The following ZNF846 variants were observed in gnomAD, a reference collection of about 807,000 sequenced individuals.
ZNF846 encodes zinc finger protein 846, also known as zinc finger protein 420 pseudogene.
ZNF846 carries 15 observed loss-of-function variants against 16.0 expected under a neutral mutation model. That is an observed-to-expected ratio of 0.94 (90% CI 0.63 to 1.45). The LOEUF (loss-of-function observed/expected upper bound fraction) is 1.45. Ranked by LOEUF, ZNF846 falls within the 40% of genes most tolerant of loss-of-function variation. The probability of loss-of-function intolerance (pLI) is 0.00; values close to 1 mark genes in which losing one functional copy is unlikely to be tolerated. For missense variants in ZNF846, 714 were observed against 622.3 expected, an observed-to-expected ratio of 1.15 and a Z score of -1.57; for synonymous variants, 229 against 212.0, an observed-to-expected ratio of 1.08 and a Z score of -0.70.
chr19:9,769,075 CTTTT>C, upstream of ZNF846, among the ~76,000 whole-genome samples: 1 of 152,262 alleles, frequency 6.6e-6, no homozygotes, highest in East Asian at 1.9e-4. Flanking sequence ...CTTTTCTTTT[CTTTT>C]TTAATTTCTC....
intron 1 of ZNF846, among the ~76,000 whole-genome samples, chr19:9,785,168 T>G (rs1177489049): frequency 6.6e-6 from 1 of 151,144 alleles, no homozygotes; most frequent in Non-Finnish European, 1.5e-5. Flanking sequence ...CTCTCACTAC[T>G]GAGACCCCAC....
At chr19:9,779,621 A>G (rs994361342) in intron 1 of ZNF846, among the ~76,000 whole-genome samples, 1 of 149,348 alleles carries the variant, frequency 6.7e-6, no homozygotes, top group Admixed American at 6.7e-5. Context: ...CCCAGGCTAG[A>G]GTGTAATGGC....
At chr19:9,761,130 C>T (rs978753858) in intron 4 of ZNF846, among the ~76,000 whole-genome samples, 32 of 148,058 alleles carry the variant, frequency 2.2e-4, no homozygotes, top group Non-Finnish European at 3.8e-4. Flanking sequence ...AGCCAGGAAG[C>T]TGATGGAGGT....
chr19:9,785,662 CCCGCCCCATCTCCCCCTCACCGAGACT>C (rs2045552493), intron 1 of ZNF846, among the ~76,000 whole-genome samples: 1 of 91,718 alleles, frequency 1.1e-5, no homozygotes, highest in African/African-American at 4.5e-5. Context: ...TCACCGAGAC[CCCGCCCCATCTCCCCCTCACCGAGACT>C]CCGCCCCCGT....
chr19:9,759,983 G>T, intron 4 of ZNF846, 41 bp from the exon 5 acceptor site: 1 of 1,538,678 alleles, frequency 6.5e-7, no homozygotes, highest in South Asian at 1.1e-5. Context: ...GAAAAATTGT[G>T]GAATAAAGTC....
At chr19:9,772,007 C>G (rs1457225212), upstream of ZNF846, among the ~76,000 whole-genome samples, 1 of 151,948 alleles carries the variant, frequency 6.6e-6, no homozygotes, top group Admixed American at 6.6e-5. Flanking sequence ...ACCTCGTGAT[C>G]CACCCACCTC....
chr19:9,767,074 G>C (rs1454633170), intron 1 of ZNF846, among the ~76,000 whole-genome samples: 1 of 151,448 alleles, frequency 6.6e-6, no homozygotes. Flanking sequence ...GGCTCCTCCT[G>C]CTTCTGCTTC....
chr19:9,758,681 G>T (rs746138025), exon 6 of ZNF846: 1 of 1,612,268 alleles, frequency 6.2e-7, no homozygotes, highest in Non-Finnish European at 8.5e-7. Flanking sequence ...GAGTTATCAT[G>T]TGAGTCATAA....
chr19:9,784,272 A>T (rs952662574), intron 1 of ZNF846, among the ~76,000 whole-genome samples: 6 of 152,094 alleles, frequency 3.9e-5, no homozygotes, highest in Non-Finnish European at 8.8e-5. Flanking sequence ...GGCAAGGGGG[A>T]TGTGGCAGGA....
At chr19:9,756,988 G>T (rs992448374), downstream of ZNF846, 2 of 151,938 alleles carry the variant, frequency 1.3e-5, no homozygotes, top group Non-Finnish European at 2.9e-5. Flanking sequence ...GAGATCGGGA[G>T]ATCGAGACCA....
chr19:9,782,671 G>A (rs1738624128), intron 1 of ZNF846, among the ~76,000 whole-genome samples: 1 of 152,204 alleles, frequency 6.6e-6, no homozygotes, highest in South Asian at 2.1e-4. Context: ...ACTAAATTTA[G>A]ATTGTTACAT....
chr19:9,750,032 A>G (rs538777350), downstream of ZNF846, among the ~76,000 whole-genome samples: 54 of 152,100 alleles, frequency 3.6e-4, no homozygotes, highest in Non-Finnish European at 6.5e-4. Flanking sequence ...GCCTACTGGA[A>G]TCCCTTTAGG....
chr19:9,779,102 A>G (rs1382978350), intron 1 of ZNF846, among the ~76,000 whole-genome samples: 2 of 152,144 alleles, frequency 1.3e-5, no homozygotes, highest in East Asian at 3.9e-4. Flanking sequence ...TTAGATTAAT[A>G]TCCACTTTCT....
At chr19:9,770,136 A>G (rs1328794097), upstream of ZNF846, among the ~76,000 whole-genome samples, 1 of 152,044 alleles carries the variant, frequency 6.6e-6, no homozygotes, top group East Asian at 1.9e-4. Flanking sequence ...GGCTTTTTGT[A>G]TATTCATATA....
At chr19:9,778,437 C>T (rs1294130521) in intron 1 of ZNF846, among the ~76,000 whole-genome samples, 1 of 152,112 alleles carries the variant, frequency 6.6e-6, no homozygotes, top group Admixed American at 6.6e-5. Context: ...AAAATCATCC[C>T]CATTGGAAAT....
upstream of ZNF846, chr19:9,768,815 G>A (rs1396282836): frequency 6.6e-6 from 1 of 152,276 alleles, no homozygotes; most frequent in Non-Finnish European, 1.5e-5. Context: ...AAGAGCTTTG[G>A]AATGAGGATG....
At chr19:9,749,826 T>G (rs2145145628), downstream of ZNF846, among the ~76,000 whole-genome samples, 1 of 152,294 alleles carries the variant, frequency 6.6e-6, no homozygotes, top group Admixed American at 6.5e-5. Flanking sequence ...TTTACCCACC[T>G]GAGGAACTTC....
At chr19:9,764,042 G>A (rs2045274190) in intron 2 of ZNF846, among the ~76,000 whole-genome samples, 2 of 152,192 alleles carry the variant, frequency 1.3e-5, no homozygotes, top group South Asian at 2.1e-4. Flanking sequence ...GAATGGACGT[G>A]CAGTCAGGGA....
exon 2 of ZNF846, chr19:9,765,023 T>C: frequency 1.3e-6 from 2 of 1,543,862 alleles, no homozygotes; most frequent in Non-Finnish European, 1.8e-6. Context: ...GAAAGTGTCC[T>C]GGAAAAAATG....
Sources: gnomAD v4.1 joint callset for allele counts (sites outside exome capture counted in the v4.1 genomes callset) on GRCh38, gnomAD v4.1.1 for gene constraint, MANE v1.5 for transcripts, NCBI Gene and HGNC (gene_info 2026-07-23, HGNC 2026-07-21) for gene names.